FABP1: variants seen among roughly 807,000 people sequenced by gnomAD.
FABP1 encodes fatty acid-binding protein, liver.
In FABP1, 13 loss-of-function variants were observed where a neutral mutation model predicts 13.7. That is an observed-to-expected ratio of 0.95 (90% CI 0.62 to 1.51). The LOEUF (loss-of-function observed/expected upper bound fraction) is 1.51, where lower values mean the gene tolerates loss of function less well. Ranked by LOEUF, FABP1 falls within the 40% of genes most tolerant of loss-of-function variation. The pLI, the probability that FABP1 is intolerant of heterozygous loss-of-function variation, is 0.00. For missense variants in FABP1, 140 were observed against 155.7 expected, an observed-to-expected ratio of 0.90 and a Z score of 0.54; for synonymous variants, 48 against 59.8, an observed-to-expected ratio of 0.80 and a Z score of 0.91.
chr2:88,126,387 TG>T (rs755217531), intron 1 of FABP1, 39 bp from the exon 2 acceptor site: 4 of 1,590,112 alleles, frequency 2.5e-6, no homozygotes, highest in South Asian at 2.2e-5. Flanking sequence ...TGGGCAGAGG[TG>T]GGAGTTTCAT....
intron 2 of FABP1, 152 bp downstream of exon 2, chr2:88,126,024 A>C: frequency 9.1e-6 from 7 of 767,684 alleles, no homozygotes; most frequent in Non-Finnish European, 1.5e-5. Flanking sequence ...TTCTTCCCTA[A>C]GAGCTGCCTT....
At chr2:88,126,495 T>C in intron 1 of FABP1, 147 bp from the exon 2 acceptor site, 1 of 760,440 alleles carries the variant, frequency 1.3e-6, no homozygotes, top group Non-Finnish European at 2.2e-6. Flanking sequence ...TGGGGGCTTG[T>C]CAGCAGCATC....
chr2:88,125,145 A>G (rs1331769740), intron 2 of FABP1, among the ~76,000 whole-genome samples: 2 of 152,000 alleles, frequency 1.3e-5, no homozygotes, highest in African/African-American at 2.4e-5. Context: ...TTAACTTTTC[A>G]TATTGTGGCC....
chr2:88,126,529 G>T, intron 1 of FABP1, 181 bp from the exon 2 acceptor site: 1 of 603,906 alleles, frequency 1.7e-6, no homozygotes, highest in Non-Finnish European at 2.9e-6. Context: ...GAAAGGAAGG[G>T]ACAGTGACCT....
chr2:88,126,269 C>A lies in FABP1; in HGVS notation c.147G>T (p.Lys49Asn). The change falls in exon 2 of 4, where the codon AAG (lysine) becomes AAT (asparagine). Residue 49 changes from lysine (K) to asparagine (N), a missense_variant. Physicochemically the swap from Lys to Asn is moderately conservative, Grantham distance 94 (BLOSUM62 0). Transcript: ENST00000295834. ...SEIVQNGKHF[K>N]FTITAGSKVI... ...CTTTGGACCCAGCGGTGATGGTGAA[C>A]TTGAAGTGCTTCCCATTCTGCACGA... is the stretch of plus-strand genomic sequence containing the variant. The A allele has an allele frequency of 6.2e-7, 1 of 1,614,032 alleles. No individual in the cohort carries two copies. The highest frequency in any genetic ancestry group is 8.5e-7 in the Non-Finnish European group (1 of 1,179,930).
chr2:88,127,881 T>C (rs1675329113), intron 1 of FABP1, 70 bp downstream of exon 1: 15 of 1,478,118 alleles, frequency 1.0e-5, no homozygotes, highest in Non-Finnish European at 1.4e-5. Flanking sequence ...GGACCCTAAA[T>C]AGCCACTGCT....
intron 3 of FABP1, chr2:88,124,217 C>T (rs1675254785): frequency 2.5e-6 from 1 of 404,738 alleles, no homozygotes; most frequent in African/African-American, 2.1e-5. Flanking sequence ...GCTAAATGGG[C>T]AAAGGCATTT....
chr2:88,126,339 T>A lies in FABP1; in HGVS notation c.77A>T (p.Glu26Val). 4 of 1,613,420 alleles carry A rather than the reference T, an allele frequency of 2.5e-6. No homozygotes were observed. The highest frequency in any genetic ancestry group is 3.4e-6 in the Non-Finnish European group (4 of 1,179,386). ...EAFMKAIGLP[E>V]ELIQKGKDIK... Reference sequence around the variant, plus strand: ...ATCCTTCCCCTTCTGGATGAGCTCTTCCGGCAGACCTGGTGGAAACCGTCT... The same window carrying A: ...ATCCTTCCCCTTCTGGATGAGCTCTACCGGCAGACCTGGTGGAAACCGTCT... Residue 26 changes from glutamate to valine, a missense_variant, in exon 2 of 4, where the codon GAA (glutamate) becomes GTA (valine). By Grantham distance (121) the Glu-to-Val change is moderately radical. Transcript: ENST00000295834.
chr2:88,124,326 G>A (rs1675257077), intron 3 of FABP1, 168 bp downstream of exon 3: 3 of 562,314 alleles, frequency 5.3e-6, no homozygotes. Context: ...AACTGCCTGG[G>A]ACATGATGGA....
At position 88,127,967 on chromosome 2, in the gene FABP1, G is replaced by C; in HGVS notation, c.51C>G (p.Ala17=). 2 of 1,614,196 alleles carry C rather than the reference G, an allele frequency of 1.2e-6. No homozygotes were observed. The highest frequency in any genetic ancestry group is 1.7e-6 in the Non-Finnish European group (2 of 1,180,034). Residue 17 remains alanine, a synonymous_variant, in exon 1 of 4, where the codon GCC becomes GCG. Transcript: ENST00000295834. ...YQLQSQENFE[A]FMKAIGLPEE... ...AGCACTCACCGATTGCCTTCATGAAGGCTTCAAAGTTTTCCTGGCTCTGCA... is the reference window on the plus strand; with the variant it reads ...AGCACTCACCGATTGCCTTCATGAACGCTTCAAAGTTTTCCTGGCTCTGCA...
intron 2 of FABP1, 162 bp downstream of exon 2, chr2:88,126,014 T>C (rs1398987865): frequency 7.0e-6 from 5 of 711,646 alleles, no homozygotes; most frequent in South Asian, 2.4e-5. Flanking sequence ...CTCTATAAGA[T>C]TCTTCCCTAA....
At chr2:88,124,280 T>C (rs1000074723) in intron 3 of FABP1, 15 of 487,480 alleles carry the variant, frequency 3.1e-5, no homozygotes, top group Middle Eastern at 5.1e-4. Flanking sequence ...GCTGGTTGGT[T>C]GCGCTGAGCA....
chr2:88,126,315 T>C lies in FABP1; in HGVS notation c.101A>G (p.Asp34Gly), dbSNP rs774644570. 26 of 1,613,762 alleles carry C rather than the reference T, an allele frequency of 1.6e-5. No individual in the cohort carries two copies. The highest frequency in any genetic ancestry group is 2.7e-5 in the African/African-American group (2 of 74,896). ...LPEELIQKGK[D>G]IKGVSEIVQN... is the part of the protein sequence containing the mutation. The stretch of plus-strand genomic sequence containing the variant: ...CACGATTTCCGACACCCCCTTGATA[T>C]CCTTCCCCTTCTGGATGAGCTCTTC... Residue 34 changes from aspartate to glycine, a missense_variant, in exon 2 of 4, where the codon GAT becomes GGT. Physicochemically the swap from Asp to Gly is moderately conservative, Grantham distance 94 (BLOSUM62 -1). Coordinates refer to ENST00000295834, the MANE Select transcript of FABP1 (RefSeq NM_001443.3).
Position 88,124,533 on chromosome 2 carries a change from G to A in FABP1, c.294C>T (p.Ile98=), listed in dbSNP as rs758193764. The stretch of plus-strand genomic sequence containing the variant: ...CGCCGTTGAGTTCGGTCACAGACTT[G>A]ATGTTTTTGAAAGTTGTCACCAGTT... The part of the protein sequence containing the change: ...DNKLVTTFKN[I]KSVTELNGDI... The change falls in exon 3 of 4, where the codon ATC becomes ATT. Residue 98 remains isoleucine (I), a synonymous_variant. Transcript: ENST00000295834. The A allele has an allele frequency of 3.1e-6, 5 of 1,611,474 alleles. No individual in the cohort carries two copies. In the Admixed American group the frequency reaches 8.4e-5, roughly 27 times the overall value.
intron 3 of FABP1, 75 bp from the exon 4 acceptor site, chr2:88,123,179 C>A (rs1675234922): frequency 1.6e-6 from 2 of 1,240,556 alleles, no homozygotes; most frequent in Non-Finnish European, 2.3e-6. Context: ...GCATAAAAAA[C>A]AAAATTAAGC....
chr2:88,124,734 C>T, intron 2 of FABP1, 148 bp from the exon 3 acceptor site: 1 of 578,808 alleles, frequency 1.7e-6, no homozygotes. Context: ...TTCTCTGGCT[C>T]CAAATAGAAG....
rs372186487 is a variant in FABP1, at chr2:88,124,603, G to A, written c.241-17C>T. The A allele has an allele frequency of 1.9e-6, 3 of 1,594,726 alleles. No homozygotes were observed. Among genetic ancestry groups the A allele is most frequent in the African/African-American group, 1.3e-5 (1 of 74,384 alleles). On this transcript the variant is annotated splice_polypyrimidine_tract_variant and intron_variant, in intron 2 of 3. Transcript: ENST00000295834. ...AACCACTGTCTGCAGGGAACAGAGA[G>A]GTGACCTGTGAGGAAGGGGTGGTGG...
intron 2 of FABP1, among the ~76,000 whole-genome samples, chr2:88,125,505 C>A (rs535151541): frequency 1.6e-4 from 24 of 152,188 alleles, no homozygotes; most frequent in Non-Finnish European, 3.5e-4. Flanking sequence ...GATCCCCCTG[C>A]CACCATCTGC....
intron 1 of FABP1, among the ~76,000 whole-genome samples, chr2:88,127,254 A>G (rs7577401): frequency 0.014 from 2,156 of 152,196 alleles, 55 homozygotes; most frequent in African/African-American, 0.049. Flanking sequence ...GCTCTCTGTG[A>G]GCCACATCCT....
Sources: allele counts gnomAD v4.1 joint callset (sites outside exome capture counted in the v4.1 genomes callset), GRCh38; gene constraint gnomAD v4.1.1; transcripts MANE v1.5; gene names NCBI Gene and HGNC (gene_info 2026-07-23, HGNC 2026-07-21).